The following PPP3CA variants were observed in gnomAD, a reference collection of about 807,000 sequenced individuals.
The protein encoded by PPP3CA is protein phosphatase 3 catalytic subunit alpha, also known as CAM-PRP catalytic subunit.
PPP3CA carries 14 observed loss-of-function variants against 66.5 expected under a neutral mutation model. The ratio of observed to expected loss-of-function variants is 0.21; its 90% CI spans 0.14 to 0.33. The LOEUF (loss-of-function observed/expected upper bound fraction) is 0.33. Among genes scored for constraint, PPP3CA ranks in the 10% least tolerant of loss-of-function variants. PPP3CA has a pLI of 1.00. For synonymous variants in PPP3CA, 232 were observed against 226.2 expected (o/e 1.03, Z -0.23); for missense variants, 317 against 639.5 (o/e 0.50, Z 5.44).
rs191721764 is a variant in PPP3CA at position 101,222,324 on chromosome 4, C to A, written c.59-26208G>T. On this transcript the variant is annotated intron_variant, in intron 1 of 13. Transcript: ENST00000394854. ...TAATATAAGTGGACGCAATTCATTTCCCCACAGAATCAGATATCTCAGTTT... is the reference window on the plus strand; with the variant it reads ...TAATATAAGTGGACGCAATTCATTTACCCACAGAATCAGATATCTCAGTTT... Among the ~76,000 whole-genome samples the A allele has an allele frequency of 2.7e-3, 403 of 151,606 alleles. 4 individuals carry two copies. Among genetic ancestry groups the A allele is most frequent in the African/African-American group, 9.1e-3 (377 of 41,492 alleles).
intron 1 of PPP3CA, among the ~76,000 whole-genome samples, chr4:101,313,416 T>C (rs946119213): frequency 2.0e-5 from 3 of 152,194 alleles, no homozygotes; most frequent in African/African-American, 4.8e-5. Context: ...TTTCAAGATG[T>C]ATTATATTTT....
intron 8 of PPP3CA, among the ~76,000 whole-genome samples, chr4:101,068,627 T>A (rs943755289): frequency 1.1e-4 from 17 of 152,138 alleles, no homozygotes; most frequent in Admixed American, 1.1e-3. Context: ...GTAGTATATA[T>A]TATAGCATTC....
At chr4:101,269,040 A>C (rs2110263866) in intron 1 of PPP3CA, among the ~76,000 whole-genome samples, 1 of 152,268 alleles carries the variant, frequency 6.6e-6, no homozygotes, top group East Asian at 1.9e-4. Context: ...CAACTTAGTC[A>C]GCATTTTTCA....
At chr4:101,342,019 A>G (rs904785658) in intron 1 of PPP3CA, among the ~76,000 whole-genome samples, 1 of 152,170 alleles carries the variant, frequency 6.6e-6, no homozygotes, top group South Asian at 2.1e-4. Context: ...ACACAAAAAA[A>G]GATAAGGAAA....
intron 2 of PPP3CA, among the ~76,000 whole-genome samples, chr4:101,142,230 T>C (rs978880435): frequency 2.6e-5 from 4 of 152,212 alleles, no homozygotes; most frequent in Admixed American, 6.5e-5. Flanking sequence ...GAAGTAAGCA[T>C]TTTATAAATA....
At position 101,064,793 on chromosome 4, in the gene PPP3CA, T is replaced by C. The variant is rs371382303; in HGVS notation, c.956-1436A>G. 1.1e-3 allele frequency among the ~76,000 whole-genome samples: 165 copies of C among 152,164 alleles called. 3 individuals are homozygous for C. The South Asian group carries it at 0.033, about 31-fold the overall frequency. On this transcript the variant is annotated intron_variant, in intron 8 of 13. Coordinates refer to ENST00000394854, the MANE Select transcript of PPP3CA (RefSeq NM_000944.5). Reference sequence around the variant, plus strand: ...CCCAGAAGTAATATAATCATCTAGGTTGGTTTGAACAGTGCAGAGTATGGG... The same window carrying C: ...CCCAGAAGTAATATAATCATCTAGGCTGGTTTGAACAGTGCAGAGTATGGG...
intron 1 of PPP3CA, chr4:101,240,758 T>C (rs1726279256): frequency 6.6e-6 from 1 of 152,100 alleles, no homozygotes; most frequent in African/African-American, 2.4e-5. Context: ...AGGATGGAAT[T>C]ACTGTGATCC....
intron 1 of PPP3CA, among the ~76,000 whole-genome samples, chr4:101,247,852 C>T (rs1462725056): frequency 6.6e-6 from 1 of 152,144 alleles, no homozygotes; most frequent in Non-Finnish European, 1.5e-5. Flanking sequence ...ATATATGCCA[C>T]TTCACTATGC....
intron 1 of PPP3CA, among the ~76,000 whole-genome samples, chr4:101,218,053 C>T (rs1043620177): frequency 7.9e-5 from 12 of 151,966 alleles, no homozygotes; most frequent in Non-Finnish European, 1.8e-4. Context: ...TTTTTTGGAA[C>T]TTGAGGATGA....
chr4:101,261,674 G>A (rs968931206), intron 1 of PPP3CA, among the ~76,000 whole-genome samples: 1 of 151,958 alleles, frequency 6.6e-6, no homozygotes, highest in Admixed American at 6.6e-5. Context: ...AAAAGTATCA[G>A]TGATCTCATT....
chr4:101,213,637 G>A (rs1362207884), intron 1 of PPP3CA, among the ~76,000 whole-genome samples: 1 of 152,050 alleles, frequency 6.6e-6, no homozygotes, highest in East Asian at 1.9e-4. Context: ...ATTTTCATAT[G>A]TATGATTTCA....
intron 2 of PPP3CA, among the ~76,000 whole-genome samples, chr4:101,137,092 G>A (rs1051226702): frequency 2.6e-5 from 4 of 152,068 alleles, no homozygotes; most frequent in African/African-American, 9.7e-5. Context: ...GTATATTGTT[G>A]TTTGATTAGT....
At chr4:101,091,123 G>T (rs1729918844) in intron 6 of PPP3CA, among the ~76,000 whole-genome samples, 1 of 152,028 alleles carries the variant, frequency 6.6e-6, no homozygotes, top group Admixed American at 6.6e-5. Flanking sequence ...TATTATTAAT[G>T]CAACAGGACT....
intron 1 of PPP3CA, among the ~76,000 whole-genome samples, chr4:101,306,341 G>C (rs1328651698): frequency 1.3e-5 from 2 of 152,024 alleles, no homozygotes; most frequent in African/African-American, 2.4e-5. Flanking sequence ...ACTCTGTCTG[G>C]AACACCTACC....
At chr4:101,269,595 T>TGC (rs1727272993) in intron 1 of PPP3CA, among the ~76,000 whole-genome samples, 1 of 150,700 alleles carries the variant, frequency 6.6e-6, no homozygotes, top group Non-Finnish European at 1.5e-5. Context: ...TGTGTGTGTG[T>TGC]GTGTGTTTTA....
chr4:101,049,208 C>T (rs1011148080), intron 10 of PPP3CA, among the ~76,000 whole-genome samples: 1 of 152,084 alleles, frequency 6.6e-6, no homozygotes, highest in Non-Finnish European at 1.5e-5. Context: ...TTTAATGACT[C>T]CTTGGTTGAG....
chr4:101,290,555 AGTCCCTACATATGC>A (rs1578634529), intron 1 of PPP3CA, among the ~76,000 whole-genome samples: 1 of 152,244 alleles, frequency 6.6e-6, no homozygotes, highest in Non-Finnish European at 1.5e-5. Context: ...AAATATTTAG[AGTCCCTACATATGC>A]TGGACAGCGG....
chr4:101,250,389 A>C (rs1304223770), intron 1 of PPP3CA: 3 of 455,280 alleles, frequency 6.6e-6, no homozygotes, highest in African/African-American at 6.0e-5. Context: ...AAAAGGACAT[A>C]ATAATGAGTA....
At chr4:101,070,262 T>C (rs1728860376) in intron 8 of PPP3CA, among the ~76,000 whole-genome samples, 1 of 150,922 alleles carries the variant, frequency 6.6e-6, no homozygotes, top group South Asian at 2.1e-4. Context: ...GGAATGAAAA[T>C]AGAAAATGGG....
Sources: allele counts gnomAD v4.1 joint callset (sites outside exome capture counted in the v4.1 genomes callset), GRCh38; gene constraint gnomAD v4.1.1; transcripts MANE v1.5; gene names NCBI Gene and HGNC (gene_info 2026-07-23, HGNC 2026-07-21).